The following SLC11A2 variants were observed in gnomAD, a reference collection of about 807,000 sequenced individuals.
SLC11A2 encodes the protein natural resistance-associated macrophage protein 2.
In SLC11A2, 38 loss-of-function variants were observed where a neutral mutation model predicts 68.0. The observed-to-expected ratio is 0.56, with a 90% CI of 0.43 to 0.73. The LOEUF is 0.73. SLC11A2 is among the 30% of genes least tolerant of loss of function. The pLI, the probability that SLC11A2 is intolerant of heterozygous loss-of-function variation, is 0.00. For synonymous variants in SLC11A2, 242 were observed against 250.6 expected, an observed-to-expected ratio of 0.97 and a Z score of 0.32; for missense variants, 517 against 690.5, an observed-to-expected ratio of 0.75 and a Z score of 2.82.
chr12:50,991,373 A>G (rs1017243880), intron 14 of SLC11A2: 21 of 585,118 alleles, frequency 3.6e-5, no homozygotes, highest in Non-Finnish European at 5.2e-5. Flanking sequence ...CTGAAGAGTT[A>G]TGCTGTAAAA....
In SLC11A2 at chr12:50,992,127, C is replaced by CCCTAGTA. The variant is rs1941211365; in HGVS notation, c.1347+62_1347+63insTACTAGG. The CCCTAGTA allele has an allele frequency of 1.5e-5, 23 of 1,548,800 alleles. No homozygotes were observed. The South Asian group carries it at 2.6e-4, about 17-fold the overall frequency. ...CCCCAGCACTCAGCTAGGCTTGGTA[C>CCCTAGTA]CCAAGGGCAGTACATAATGCTACCT... On this transcript the variant is annotated intron_variant, in intron 13 of 15. Coordinates refer to ENST00000262052, the MANE Select transcript of SLC11A2 (RefSeq NM_000617.3).
At position 51,000,642 on chromosome 12, in the gene SLC11A2, G is replaced by C. The variant is rs894024592; in HGVS notation, c.430-223C>G. 20 of 599,060 alleles carry C rather than the reference G, an allele frequency of 3.3e-5. No individual in the cohort carries two copies. The South Asian group carries it at 3.8e-4, about 12-fold the overall frequency. 37.1% of individuals were successfully genotyped at this position (599,060 alleles called of 1,614,324 possible). ...CTACCACGTGGCAGAACCTGTGAACGAAGGTCAAGGCAGTAATTGATCTTA... is the reference window on the plus strand; with the variant it reads ...CTACCACGTGGCAGAACCTGTGAACCAAGGTCAAGGCAGTAATTGATCTTA... On this transcript the variant is annotated intron_variant, in intron 5 of 15. Coordinates refer to ENST00000262052, the MANE Select transcript of SLC11A2 (RefSeq NM_000617.3).
At chr12:50,965,836 C>T in the SLC11A2 span, among the ~76,000 whole-genome samples, 4 of 152,136 alleles carry the variant, frequency 2.6e-5, no homozygotes, top group Non-Finnish European at 4.4e-5. Flanking sequence ...TTTTGTCTGT[C>T]GAACATGGTC....
chr12:51,004,251 G>C (rs17125212), intron 5 of SLC11A2, among the ~76,000 whole-genome samples: 4,289 of 152,220 alleles, frequency 0.028, 207 homozygotes, highest in African/African-American at 0.099. Flanking sequence ...CTTAGGCAAC[G>C]GTAAGAAAGG....
At chr12:50,998,037 T>A (rs773935893) in intron 8 of SLC11A2, among the ~76,000 whole-genome samples, 3 of 150,012 alleles carry the variant, frequency 2.0e-5, no homozygotes, top group Non-Finnish European at 4.4e-5. Flanking sequence ...GGACTTGTGG[T>A]TATTAGTAAT....
intron 8 of SLC11A2, among the ~76,000 whole-genome samples, chr12:50,997,922 A>T (rs893018143): frequency 2.0e-5 from 3 of 151,286 alleles, no homozygotes; most frequent in African/African-American, 7.3e-5. Context: ...TGGGGGTGGA[A>T]GTTGCAGTGA....
chr12:51,026,459 A>T, upstream of SLC11A2: 1 of 803,824 alleles, frequency 1.2e-6, no homozygotes, highest in Non-Finnish European at 1.8e-6. Context: ...GAGTCCCTGC[A>T]GCGGCCGGGA....
chr12:51,019,905 A>C (rs1943922385), intron 1 of SLC11A2, among the ~76,000 whole-genome samples: 1 of 152,130 alleles, frequency 6.6e-6, no homozygotes, highest in African/African-American at 2.4e-5. Flanking sequence ...TCAGCCTTCC[A>C]AAGTGCTGGG....
the SLC11A2 span, among the ~76,000 whole-genome samples, chr12:50,958,294 T>C: frequency 6.6e-6 from 1 of 151,344 alleles, no homozygotes; most frequent in African/African-American, 2.4e-5. Flanking sequence ...TTTTTTTTTT[T>C]TTTTTTAGAC....
At chr12:51,027,316 G>C (rs540202811), upstream of SLC11A2, among the ~76,000 whole-genome samples, 1 of 152,048 alleles carries the variant, frequency 6.6e-6, no homozygotes, top group Non-Finnish European at 1.5e-5. Context: ...TCCAGCCTGG[G>C]TGGCAGAGCA....
At position 50,986,281 on chromosome 12, in the gene SLC11A2, A is replaced by T. The variant is rs530604780; in HGVS notation, c.*2044T>A. 6.1e-4 allele frequency: 790 copies of T among 1,286,568 alleles called. 6 individuals carry two copies. In the South Asian group the frequency reaches 7.4e-3, roughly 12 times the overall value. The allele number at this position is 1,286,568 out of a possible 1,614,324, so 79.7% of individuals were successfully genotyped here. A position where few individuals can be genotyped will look rare whatever the true frequency, so the allele number is the denominator to read the frequency against. ...GGATATGCTGGAATTGGAGGACTTA[A>T]ATTTCTACATATTATTTATTGCACC... On this transcript the variant is annotated 3_prime_UTR_variant, in exon 16 of 16. Transcript: ENST00000262052.
At chr12:50,997,670 ACT>A (rs1191301047) in intron 8 of SLC11A2, among the ~76,000 whole-genome samples, 2 of 95,034 alleles carry the variant, frequency 2.1e-5, no homozygotes, top group African/African-American at 8.4e-5. Flanking sequence ...ATAGTGTGAG[ACT>A]CTGTCTCAAA....
the SLC11A2 span, among the ~76,000 whole-genome samples, chr12:50,973,392 G>A: frequency 6.6e-6 from 1 of 152,152 alleles, no homozygotes; most frequent in Non-Finnish European, 1.5e-5. Context: ...GTCTGGAGTG[G>A]ACCTCCAGAA....
chr12:50,972,565 C>G, the SLC11A2 span, among the ~76,000 whole-genome samples: 1 of 152,208 alleles, frequency 6.6e-6, no homozygotes, highest in Non-Finnish European at 1.5e-5. Context: ...CCAGCATGAG[C>G]GACACAGAAG....
intron 7 of SLC11A2, 49 bp from the exon 8 acceptor site, chr12:50,999,290 T>C (rs758399534): frequency 2.5e-6 from 4 of 1,608,740 alleles, no homozygotes; most frequent in Non-Finnish European, 2.6e-6. Flanking sequence ...GACTTCCCCA[T>C]CTGCCACATG....
chr12:50,995,331 T>C (rs1169632690), intron 10 of SLC11A2, among the ~76,000 whole-genome samples: 1 of 152,078 alleles, frequency 6.6e-6, no homozygotes, highest in Non-Finnish European at 1.5e-5. Context: ...ACATAGGTAA[T>C]CAGAAATCAA....
At chr12:51,013,346 A>G (rs563729818) in intron 1 of SLC11A2, among the ~76,000 whole-genome samples, 1 of 146,534 alleles carries the variant, frequency 6.8e-6, no homozygotes, top group Non-Finnish European at 1.5e-5. Flanking sequence ...GCTGGAGTGC[A>G]ATGGCATGAT....
intron 1 of SLC11A2, among the ~76,000 whole-genome samples, chr12:51,013,962 C>A (rs1943432391): frequency 6.6e-6 from 1 of 152,004 alleles, no homozygotes; most frequent in African/African-American, 2.4e-5. Flanking sequence ...GCTGGGATTA[C>A]AGGCACGTGC....
the SLC11A2 span, chr12:50,953,969 A>G: frequency 7.6e-7 from 1 of 1,318,110 alleles, no homozygotes; most frequent in African/African-American, 1.4e-5. Context: ...CGGCAACCAC[A>G]TTTATATCCT....
Sources: allele counts gnomAD v4.1 joint callset (sites outside exome capture counted in the v4.1 genomes callset), GRCh38; gene constraint gnomAD v4.1.1; transcripts MANE v1.5; gene names NCBI Gene and HGNC (gene_info 2026-07-23, HGNC 2026-07-21).